KANK1: variants seen among roughly 807,000 people sequenced by gnomAD.
KANK1 encodes KN motif and ankyrin repeat domain-containing protein 1.
Under a neutral mutation model 106.2 loss-of-function variants are expected in KANK1, and 109 were observed. The observed-to-expected ratio is 1.03, with a 90% CI of 0.88 to 1.20. KANK1 has a LOEUF of 1.20. Ranked by LOEUF, KANK1 falls within the 50% of genes most tolerant of loss-of-function variation. The probability of loss-of-function intolerance (pLI) is 0.00; values close to 1 mark genes in which losing one functional copy is unlikely to be tolerated. For synonymous variants in KANK1, 873 were observed against 652.2 expected (o/e 1.34, Z -5.16); for missense variants, 2,399 against 1,710.7 (o/e 1.40, Z -7.10).
intron 2 of KANK1, among the ~76,000 whole-genome samples, chr9:700,464 T>C (rs1822386771): frequency 6.6e-6 from 1 of 152,220 alleles, no homozygotes; most frequent in African/African-American, 2.4e-5. Context: ...GAAAAGTTGA[T>C]GTGCTAACTT....
intron 1 of KANK1, among the ~76,000 whole-genome samples, chr9:640,402 ATT>A (rs1031842287): frequency 7.0e-6 from 1 of 143,194 alleles, no homozygotes; most frequent in Non-Finnish European, 1.5e-5. Context: ...CGCCCAGCTA[ATT>A]TTTTTTTTTT....
At chr9:587,458 G>C (rs1823777341) in intron 1 of KANK1, among the ~76,000 whole-genome samples, 2 of 151,960 alleles carry the variant, frequency 1.3e-5, no homozygotes, top group South Asian at 2.1e-4. Context: ...GGAGTATTAA[G>C]ACTGAAAAAA....
intron 1 of KANK1, among the ~76,000 whole-genome samples, chr9:594,708 C>G (rs1825800016): frequency 6.6e-6 from 1 of 151,544 alleles, no homozygotes; most frequent in Non-Finnish European, 1.5e-5. Flanking sequence ...TCTGAAGGTT[C>G]AAAAATATTG....
At chr9:552,041 G>C (rs181577487) in intron 1 of KANK1, among the ~76,000 whole-genome samples, 52 of 152,230 alleles carry the variant, frequency 3.4e-4, no homozygotes, top group African/African-American at 1.3e-3. Flanking sequence ...GGGTAAGTGA[G>C]ACCCTGTCTC....
chr9:582,228 G>T (rs1822347617), intron 1 of KANK1, among the ~76,000 whole-genome samples: 1 of 152,096 alleles, frequency 6.6e-6, no homozygotes, highest in African/African-American at 2.4e-5. Flanking sequence ...TGGGAGGAGG[G>T]GAGTATGGGG....
intron 1 of KANK1, among the ~76,000 whole-genome samples, chr9:530,643 A>G (rs905422770): frequency 1.4e-4 from 21 of 152,218 alleles, no homozygotes; most frequent in Admixed American, 9.8e-4. Context: ...TTGGGCTTGT[A>G]TTAAATATTT....
intron 3 of KANK1, among the ~76,000 whole-genome samples, chr9:486,236 A>G (rs1297227735): frequency 2.0e-5 from 3 of 152,228 alleles, no homozygotes; most frequent in African/African-American, 7.2e-5. Context: ...CAGCCCTGCA[A>G]AAGTCAATTG....
chr9:672,103 A>G (rs78643617), intron 1 of KANK1, among the ~76,000 whole-genome samples: 8,078 of 152,188 alleles, frequency 0.053, 230 homozygotes, highest in African/African-American at 0.066. Context: ...CATTTGTTAA[A>G]ACAATAGTGC....
intron 1 of KANK1, among the ~76,000 whole-genome samples, chr9:610,813 G>C (rs1318949059): frequency 1.3e-5 from 2 of 152,096 alleles, no homozygotes; most frequent in Non-Finnish European, 2.9e-5. Context: ...TCATCTTCTA[G>C]ACCCAGAGGC....
At chr9:739,569 A>G (rs543521601) in intron 8 of KANK1, among the ~76,000 whole-genome samples, 19 of 152,348 alleles carry the variant, frequency 1.2e-4, no homozygotes, top group African/African-American at 4.1e-4. Context: ...TTTCTAGACT[A>G]TAAACAGAGC....
rs532700627 is a variant in KANK1 at position 700,263 on chromosome 9, A to G, written c.38-10541A>G. Among the ~76,000 whole-genome samples the G allele has an allele frequency of 5.3e-4, 80 of 152,324 alleles. 2 individuals carry two copies. Among genetic ancestry groups the G allele is most frequent in the African/African-American group, 1.8e-3 (73 of 41,554 alleles). On this transcript the variant is annotated intron_variant, in intron 2 of 11. Coordinates refer to ENST00000382297, the MANE Select transcript of KANK1 (RefSeq NM_015158.5). ...CTTTAAACCAGAAGGAGGAACACTC[A>G]TATTGCTACCCTTTTTATTGTGTGT...
intron 1 of KANK1, among the ~76,000 whole-genome samples, chr9:599,327 A>G (rs1307340247): frequency 3.3e-5 from 5 of 151,630 alleles, no homozygotes; most frequent in Non-Finnish European, 7.4e-5. Context: ...AAGAAATATT[A>G]TTTTTATTTT....
chr9:744,759 G>T, intron 11 of KANK1, 170 bp downstream of exon 11: 2 of 1,503,392 alleles, frequency 1.3e-6, no homozygotes, highest in Non-Finnish European at 1.8e-6. Context: ...CAAAAAGCAG[G>T]AGAACTAATG....
chr9:689,959 G>C (rs968657031), intron 2 of KANK1, among the ~76,000 whole-genome samples: 2 of 151,830 alleles, frequency 1.3e-5, no homozygotes, highest in African/African-American at 4.8e-5. Flanking sequence ...TGTTGTCCTT[G>C]GGTTTTGTTG....
chr9:646,741 G>A (rs769632870), intron 1 of KANK1, among the ~76,000 whole-genome samples: 2 of 149,264 alleles, frequency 1.3e-5, no homozygotes, highest in South Asian at 4.2e-4. Flanking sequence ...CCAGGCTGGA[G>A]TGCAGTGGCA....
At chr9:605,920 C>T (rs1379681667) in intron 1 of KANK1, among the ~76,000 whole-genome samples, 1 of 151,624 alleles carries the variant, frequency 6.6e-6, no homozygotes, top group Non-Finnish European at 1.5e-5. Flanking sequence ...GAGGGGAAGG[C>T]CGGGTCTGTG....
chr9:504,523 G>T (rs1327376445), upstream of KANK1, among the ~76,000 whole-genome samples: 2 of 151,568 alleles, frequency 1.3e-5, no homozygotes, highest in Admixed American at 6.6e-5. Flanking sequence ...GGCCCGCGCC[G>T]TTCTTCTCAC....
intron 2 of KANK1, chr9:693,446 T>A: frequency 1.0e-6 from 1 of 985,448 alleles, no homozygotes; most frequent in Non-Finnish European, 1.2e-6. Flanking sequence ...ACAGCTGCAT[T>A]TCTAGGTCAG....
At chr9:734,617 G>C (rs925072038) in intron 6 of KANK1, 131 bp from the exon 7 acceptor site, 1 of 602,108 alleles carries the variant, frequency 1.7e-6, no homozygotes, top group Non-Finnish European at 3.0e-6. Context: ...AGTGAGCCAA[G>C]ATCATGCCAC....
Sources: gnomAD v4.1 joint callset for allele counts (sites outside exome capture counted in the v4.1 genomes callset) on GRCh38, gnomAD v4.1.1 for gene constraint, MANE v1.5 for transcripts, NCBI Gene and HGNC (gene_info 2026-07-23, HGNC 2026-07-21) for gene names.